GTF2IRD2: variants seen among roughly 807,000 people sequenced by gnomAD.
The protein encoded by GTF2IRD2 is GTF2I repeat domain containing 2, also known as general transcription factor II-I repeat domain-containing protein 2A.
In GTF2IRD2, 8 loss-of-function variants were observed where a neutral mutation model predicts 49.2. The observed-to-expected ratio is 0.16, with a 90% CI of 0.10 to 0.29. The LOEUF (loss-of-function observed/expected upper bound fraction) is 0.29, where lower values mean the gene tolerates loss of function less well. Ranked by LOEUF, GTF2IRD2 falls within the 10% of genes least tolerant of loss-of-function variation. GTF2IRD2 has a pLI of 1.00. For synonymous variants in GTF2IRD2, 47 were observed against 289.7 expected, an observed-to-expected ratio of 0.16 and a Z score of 8.51; for missense variants, 130 against 725.7, an observed-to-expected ratio of 0.18 and a Z score of 9.43.
At chr7:74,807,380 T>C (rs2131658444) in intron 11 of GTF2IRD2, among the ~76,000 whole-genome samples, 1 of 77,038 alleles carries the variant, frequency 1.3e-5, no homozygotes, top group Non-Finnish European at 2.7e-5. Context: ...CAGGTTCAAG[T>C]GATTCTCGTG....
chr7:74,845,193 TAGGC>T (rs1801162687), intron 1 of GTF2IRD2, among the ~76,000 whole-genome samples: 1 of 152,150 alleles, frequency 6.6e-6, no homozygotes, highest in South Asian at 2.1e-4. Context: ...AATAAAATAA[TAGGC>T]AGGATGATAC....
chr7:74,838,269 T>C lies in GTF2IRD2; in HGVS notation c.-5-1886A>G, dbSNP rs1188605236. Among the ~76,000 whole-genome samples the C allele has an allele frequency of 6.3e-4, 83 of 132,788 alleles. 7 individuals carry two copies. Among genetic ancestry groups the C allele is most frequent in the Non-Finnish European group, 8.3e-4 (55 of 66,594 alleles). The allele number at this position is 132,788 out of a possible 152,430, so 87.1% of individuals were successfully genotyped here. A position where few individuals can be genotyped will look rare whatever the true frequency, so the allele number is the denominator to read the frequency against. ...GCTACCACACTATTTCACTTACACA[T>C]AGAAAGGGTATAATGGGTTTGTGTG... is the stretch of plus-strand genomic sequence containing the variant. On this transcript the variant is annotated intron_variant, in intron 1 of 15. Transcript: ENST00000451013.
At chr7:74,831,540 C>T (rs1799864762) in intron 3 of GTF2IRD2, among the ~76,000 whole-genome samples, 1 of 149,194 alleles carries the variant, frequency 6.7e-6, no homozygotes, top group Admixed American at 6.8e-5. Context: ...CACACACACA[C>T]ACACCCTTAT....
At chr7:74,798,736 T>C in intron 15 of GTF2IRD2, among the ~76,000 whole-genome samples, 1 of 134,136 alleles carries the variant, frequency 7.5e-6, no homozygotes, top group African/African-American at 2.8e-5. Context: ...CTCGAACTCC[T>C]GACCTCAGGT....
At chr7:74,846,789 C>T (rs1268230835) in intron 1 of GTF2IRD2, among the ~76,000 whole-genome samples, 2 of 54,570 alleles carry the variant, frequency 3.7e-5, no homozygotes, top group African/African-American at 1.1e-4. Flanking sequence ...GCTTACCATG[C>T]GCCTGGCTAA....
At position 74,797,650 on chromosome 7, in the gene GTF2IRD2, G is replaced by A. The variant is rs781991065; in HGVS notation, c.1862C>T (p.Thr621Ile). 2 of 1,605,666 alleles carry A rather than the reference G, an allele frequency of 1.2e-6. No individual in the cohort carries two copies. The highest frequency in any genetic ancestry group is 1.7e-6 in the Non-Finnish European group (2 of 1,176,708). ...SKLVSVASTG[T>I]PAMVDANNGL... is the part of the protein sequence containing the mutation. ...GTTATTGGCATCCACCATCGCTGGGGTGCCAGTGGAGGCCACGCTTACTAA... is the reference window on the plus strand; with the variant it reads ...GTTATTGGCATCCACCATCGCTGGGATGCCAGTGGAGGCCACGCTTACTAA... Residue 621 changes from threonine (T) to isoleucine (I), a missense_variant, in exon 16 of 16, where the codon ACC (threonine) becomes ATC (isoleucine). Thr to Ile is a moderately conservative substitution (Grantham distance 89). Coordinates refer to ENST00000451013, the MANE Select transcript of GTF2IRD2 (RefSeq NM_173537.5).
At chr7:74,836,810 C>T (rs1166341061) in intron 1 of GTF2IRD2, among the ~76,000 whole-genome samples, 1 of 151,252 alleles carries the variant, frequency 6.6e-6, no homozygotes, top group Admixed American at 6.6e-5. Context: ...AAGCAATCTG[C>T]CTTCCTTGGC....
chr7:74,798,412 AGAGGGAC>A (rs1442769045), intron 15 of GTF2IRD2, 147 bp from the exon 16 acceptor site: 1 of 615,548 alleles, frequency 1.6e-6, no homozygotes, highest in Non-Finnish European at 3.0e-6. Flanking sequence ...CCCACCCTGC[AGAGGGAC>A]GGCTGACCCT....
intron 4 of GTF2IRD2, 70 bp from the exon 5 acceptor site, chr7:74,822,877 T>G: frequency 6.6e-7 from 1 of 1,525,626 alleles, no homozygotes. Context: ...TTGTTTGTTT[T>G]TTGTTTTTTG....
At chr7:74,815,859 AAAG>A (rs1267111450) in intron 8 of GTF2IRD2, among the ~76,000 whole-genome samples, 5 of 106,546 alleles carry the variant, frequency 4.7e-5, no homozygotes, top group Admixed American at 2.9e-4. Context: ...AGAAAGAAAG[AAAG>A]AAAGAGAAAA....
intron 1 of GTF2IRD2, among the ~76,000 whole-genome samples, chr7:74,839,776 A>G (rs1800625036): frequency 1.7e-5 from 1 of 57,174 alleles, no homozygotes. Context: ...GGCTGAGGCA[A>G]GCGGATCACT....
chr7:74,830,095 A>G (rs1799714824), intron 3 of GTF2IRD2, among the ~76,000 whole-genome samples: 1 of 147,202 alleles, frequency 6.8e-6, no homozygotes, highest in South Asian at 2.2e-4. Context: ...AATATTTAGC[A>G]TGCATGCCAG....
Position 74,847,395 on chromosome 7 carries a change from A to C in GTF2IRD2, c.-6+3972T>G, listed in dbSNP as rs1554422622. Among the ~76,000 whole-genome samples, 37 of 50,192 alleles carry C rather than the reference A, an allele frequency of 7.4e-4. 14 individuals are homozygous for C. Among genetic ancestry groups the C allele is most frequent in the Non-Finnish European group, 1.1e-3 (30 of 26,432 alleles). The allele number at this position is 50,192 out of a possible 152,430, so 32.9% of individuals were successfully genotyped here. A position where few individuals can be genotyped will look rare whatever the true frequency, so the allele number is the denominator to read the frequency against. On this transcript the variant is annotated intron_variant, in intron 1 of 15. Transcript: ENST00000451013. ...CAACAAAAATGTAATGAGCACCTGCAATGTAAAAATGTATACTAGTAGCCA... is the reference window on the plus strand; with the variant it reads ...CAACAAAAATGTAATGAGCACCTGCCATGTAAAAATGTATACTAGTAGCCA...
chr7:74,815,375 C>CG lies in GTF2IRD2; in HGVS notation c.671-2560dup, dbSNP rs1331096897. Among the ~76,000 whole-genome samples the CG allele has an allele frequency of 4.6e-4, 36 of 77,982 alleles. 4 individuals carry two copies. Among genetic ancestry groups the CG allele is most frequent in the African/African-American group, 1.1e-3 (35 of 32,492 alleles). The allele number at this position is 77,982 out of a possible 152,430, so 51.2% of individuals were successfully genotyped here. Reference sequence around the variant, plus strand: ...CTGAAGCAGGAGAATCGCTTGAACCCGGGGGGGCGGAAGTTGCAGTGAGCT... The same window carrying CG: ...CTGAAGCAGGAGAATCGCTTGAACCCGGGGGGGGCGGAAGTTGCAGTGAGCT... On this transcript the variant is annotated intron_variant, in intron 8 of 15. Coordinates refer to ENST00000451013, the MANE Select transcript of GTF2IRD2 (RefSeq NM_173537.5).
chr7:74,838,508 T>A (rs1800514262), intron 1 of GTF2IRD2, among the ~76,000 whole-genome samples: 1 of 75,502 alleles, frequency 1.3e-5, no homozygotes, highest in Non-Finnish European at 2.2e-5. Flanking sequence ...GCTCAAGTGA[T>A]CTTCCTGCCT....
rs1157855537 is a variant in GTF2IRD2 at position 74,851,199 on chromosome 7, C to G, written c.-6+168G>C. Among the ~76,000 whole-genome samples the G allele has an allele frequency of 5.0e-5, 2 of 40,164 alleles. 1 individual carries two copies. The highest frequency in any genetic ancestry group is 8.3e-5 in the Non-Finnish European group (2 of 24,000). 26.3% of individuals were successfully genotyped at this position (40,164 alleles called of 152,430 possible). A position where few individuals can be genotyped will look rare whatever the true frequency, so the allele number is the denominator to read the frequency against. On this transcript the variant is annotated intron_variant, in intron 1 of 15. Transcript: ENST00000451013. ...ACCCTCACACCTCTGGTCCTGCCAG[C>G]AGGGATCGGGGTTCGGGGGTGCCTC...
chr7:74,826,065 G>A (rs1321882009), intron 3 of GTF2IRD2, among the ~76,000 whole-genome samples: 22 of 151,836 alleles, frequency 1.4e-4, no homozygotes, highest in Non-Finnish European at 2.9e-4. Flanking sequence ...GATTACAGGC[G>A]TGAGCCACCA....
Position 74,842,843 on chromosome 7 carries a change from C to T in GTF2IRD2, c.-5-6460G>A, listed in dbSNP as rs587639797. Among the ~76,000 whole-genome samples, 127 of 144,552 alleles carry T rather than the reference C, an allele frequency of 8.8e-4. 15 individuals are homozygous for T. Among genetic ancestry groups the T allele is most frequent in the African/African-American group, 2.9e-3 (107 of 37,226 alleles). The allele number at this position is 144,552 out of a possible 152,430, so 94.8% of individuals were successfully genotyped here. ...TGTTGGGATTACAGGCATGAGCCTC[C>T]GTGTACAGCCTGAACTGTACACTTC... On this transcript the variant is annotated intron_variant, in intron 1 of 15. Transcript: ENST00000451013.
intron 3 of GTF2IRD2, among the ~76,000 whole-genome samples, chr7:74,826,703 T>C (rs1208986315): frequency 2.2e-5 from 1 of 45,658 alleles, no homozygotes; most frequent in East Asian, 5.5e-4. Context: ...TTCATTCTTT[T>C]TTTTTTTTTT....
Sources: gnomAD v4.1 joint callset for allele counts (sites outside exome capture counted in the v4.1 genomes callset) on GRCh38, gnomAD v4.1.1 for gene constraint, MANE v1.5 for transcripts, NCBI Gene and HGNC (gene_info 2026-07-23, HGNC 2026-07-21) for gene names.